The following GRM5 variants were observed in gnomAD, a reference collection of about 807,000 sequenced individuals.
The protein encoded by GRM5 is glutamate metabotropic receptor 5, also known as metabotropic glutamate receptor 5.
In GRM5, 19 loss-of-function variants were observed where a neutral mutation model predicts 83.1. The observed-to-expected ratio is 0.23, with a 90% confidence interval of 0.16 to 0.34. The LOEUF (loss-of-function observed/expected upper bound fraction) is 0.34. GRM5 is among the 10% of genes least tolerant of loss of function. GRM5 has a pLI of 1.00. For synonymous variants in GRM5, 675 were observed against 633.6 expected, an observed-to-expected ratio of 1.07 and a Z score of -0.98; for missense variants, 1,160 against 1,588.3, an observed-to-expected ratio of 0.73 and a Z score of 4.58.
At chr11:88,685,025 G>C (rs1940584235) in intron 3 of GRM5, among the ~76,000 whole-genome samples, 1 of 152,184 alleles carries the variant, frequency 6.6e-6, no homozygotes, top group Admixed American at 6.5e-5. Flanking sequence ...TGTGGAAGCA[G>C]CTTTGGAACT....
intron 8 of GRM5, among the ~76,000 whole-genome samples, chr11:88,550,916 A>G (rs1453263913): frequency 6.6e-6 from 1 of 152,140 alleles, no homozygotes; most frequent in Admixed American, 6.6e-5. Context: ...TTAAAGTCCA[A>G]TCCTTTCCAG....
chr11:88,749,886 C>A (rs187003742), intron 3 of GRM5, among the ~76,000 whole-genome samples: 2 of 152,128 alleles, frequency 1.3e-5, no homozygotes, highest in South Asian at 4.2e-4. Flanking sequence ...CAAGCAAATG[C>A]TGAGGGAATT....
intron 3 of GRM5, among the ~76,000 whole-genome samples, chr11:88,819,759 G>C (rs1943753767): frequency 6.6e-6 from 1 of 152,076 alleles, no homozygotes; most frequent in Admixed American, 6.5e-5. Flanking sequence ...ACACAGATTT[G>C]TTTCTTACAG....
In GRM5 at chr11:88,605,152, G is replaced by A. The variant is rs1938107345; in HGVS notation, c.1148-188C>T. 2.0e-5 allele frequency among the ~76,000 whole-genome samples: 3 copies of A among 152,020 alleles called. No individual in the cohort carries two copies. The South Asian group carries it at 6.2e-4, about 32-fold the overall frequency. ...CCTGATAGTTATCTTCTGTATTCAG[G>A]TTTTTCTTCCAAAACTCTGAAAAAA... On this transcript the variant is annotated intron_variant, in intron 4 of 9. Transcript: ENST00000305447.
intron 2 of GRM5, among the ~76,000 whole-genome samples, chr11:89,044,853 A>C (rs1230223412): frequency 6.6e-6 from 1 of 151,194 alleles, no homozygotes; most frequent in African/African-American, 2.4e-5. Context: ...TGGGGAGGAA[A>C]AAAAAAAAAA....
At chr11:88,748,339 A>G (rs1164142973) in intron 3 of GRM5, among the ~76,000 whole-genome samples, 2 of 152,124 alleles carry the variant, frequency 1.3e-5, no homozygotes, top group African/African-American at 4.8e-5. Context: ...CAGGGAGCCA[A>G]GCAGTATTGT....
Position 88,509,194 on chromosome 11 carries a change from G to A in GRM5, c.3037C>T (p.Pro1013Ser). 6.5e-7 allele frequency: 1 copy of A among 1,533,948 alleles called. No homozygotes were observed. Among genetic ancestry groups the A allele is most frequent in the Non-Finnish European group, 8.8e-7 (1 of 1,142,780 alleles). Residue 1013 changes from proline (P) to serine (S), a missense_variant, in exon 10 of 10, where the codon CCC becomes TCC. By Grantham distance (74) the Pro-to-Ser change is moderately conservative (BLOSUM62 -1). Transcript: ENST00000305447. ...GGCGACGGTGAGCGCGGCCGCGCGG[G>A]CGCCGGGAAGTGCTCCTCAGCCTCG... ...VAEAEEHFPA[P>S]ARPRSPSPIS... is the part of the protein sequence containing the mutation.
chr11:88,993,362 A>C (rs1341246318), intron 2 of GRM5, among the ~76,000 whole-genome samples: 5 of 151,542 alleles, frequency 3.3e-5, no homozygotes, highest in East Asian at 3.9e-4. Flanking sequence ...CTTTTCTTCC[A>C]TCATTGTGTG....
chr11:88,582,744 C>G (rs551050642), intron 7 of GRM5, among the ~76,000 whole-genome samples: 2 of 152,206 alleles, frequency 1.3e-5, no homozygotes, highest in South Asian at 4.1e-4. Flanking sequence ...AGTCAAATAA[C>G]ACATTTTAAG....
intron 2 of GRM5, among the ~76,000 whole-genome samples, chr11:88,971,127 G>A (rs1939153479): frequency 6.6e-6 from 1 of 151,926 alleles, no homozygotes; most frequent in Admixed American, 6.6e-5. Context: ...TTATGAATAT[G>A]GAAAGGAGAT....
intron 3 of GRM5, among the ~76,000 whole-genome samples, chr11:88,701,297 T>C (rs1941029169): frequency 6.6e-6 from 1 of 152,104 alleles, no homozygotes; most frequent in South Asian, 2.1e-4. Context: ...TTGCCATATC[T>C]TGACAGAAAA....
intron 3 of GRM5, among the ~76,000 whole-genome samples, chr11:88,660,051 T>C (rs1939865104): frequency 6.6e-6 from 1 of 152,114 alleles, no homozygotes; most frequent in Non-Finnish European, 1.5e-5. Context: ...ATGCCTCCTC[T>C]GTGCCAGACA....
At chr11:88,765,565 G>A (rs1215966484) in intron 3 of GRM5, among the ~76,000 whole-genome samples, 1 of 151,582 alleles carries the variant, frequency 6.6e-6, no homozygotes, top group Non-Finnish European at 1.5e-5. Context: ...TTTTTGAGAA[G>A]GGTGTCAAGA....
rs1422932583 is a variant in GRM5, at chr11:88,825,953, C to T, written c.911+23953G>A. On this transcript the variant is annotated intron_variant, in intron 3 of 9. Coordinates refer to ENST00000305447, the MANE Select transcript of GRM5 (RefSeq NM_001143831.3). ...CATGTTCTAAGTAAGAAATAAAATG[C>T]ATTATATTTTTTTGGACAGTCACTG... Among the ~76,000 whole-genome samples the T allele has an allele frequency of 2.6e-5, 4 of 151,998 alleles. No homozygotes were observed. The South Asian group carries it at 6.2e-4, about 24-fold the overall frequency.
intron 4 of GRM5, among the ~76,000 whole-genome samples, chr11:88,640,135 A>C (rs1345635677): frequency 6.6e-6 from 1 of 152,210 alleles, no homozygotes; most frequent in East Asian, 1.9e-4. Context: ...ACATATCAAA[A>C]TACAAATAAT....
At chr11:88,979,712 G>A (rs1457510714) in intron 2 of GRM5, among the ~76,000 whole-genome samples, 1 of 152,018 alleles carries the variant, frequency 6.6e-6, no homozygotes, top group Non-Finnish European at 1.5e-5. Flanking sequence ...ATGCTTCTGT[G>A]AATTCCTGTC....
chr11:88,535,073 C>T (rs1413867747), intron 8 of GRM5, among the ~76,000 whole-genome samples: 1 of 152,168 alleles, frequency 6.6e-6, no homozygotes, highest in African/African-American at 2.4e-5. Flanking sequence ...TTGTAAATTG[C>T]ACAGTCTCGG....
chr11:88,651,315 G>A (rs1939625752), intron 4 of GRM5, among the ~76,000 whole-genome samples: 1 of 151,954 alleles, frequency 6.6e-6, no homozygotes, highest in Non-Finnish European at 1.5e-5. Context: ...AAGAAAGAGG[G>A]TGCAGGCCAA....
chr11:88,509,554 C>T (rs1245008978), intron 9 of GRM5, 50 bp from the exon 10 acceptor site: 6 of 1,406,390 alleles, frequency 4.3e-6, no homozygotes, highest in Non-Finnish European at 4.0e-6. Flanking sequence ...GCCCAGGGGG[C>T]TTGGATGCCG....
Sources: allele counts gnomAD v4.1 joint callset (sites outside exome capture counted in the v4.1 genomes callset), GRCh38; gene constraint gnomAD v4.1.1; transcripts MANE v1.5; gene names NCBI Gene and HGNC (gene_info 2026-07-23, HGNC 2026-07-21).